The following ERBIN variants were observed in gnomAD, a reference collection of about 807,000 sequenced individuals.
The protein encoded by ERBIN is erbb2 interacting protein, also known as densin-180-like protein.
A neutral mutation model predicts 158.4 loss-of-function variants in ERBIN; 60 were observed. The ratio of observed to expected loss-of-function variants is 0.38; its 90% confidence interval spans 0.31 to 0.47. The LOEUF is 0.47. Ranked by LOEUF, ERBIN falls within the 20% of genes least tolerant of loss-of-function variation. ERBIN has a pLI of 0.99. For missense variants in ERBIN, 1,610 were observed against 1,648.0 expected (o/e 0.98, Z 0.40); for synonymous variants, 594 against 557.2 (o/e 1.07, Z -0.93).
At chr5:66,061,668 G>T (rs1321264202) in intron 21 of ERBIN, among the ~76,000 whole-genome samples, 4 of 152,302 alleles carry the variant, frequency 2.6e-5, no homozygotes, top group African/African-American at 9.6e-5. Flanking sequence ...GCATGTTTTT[G>T]CAGTGGCTGG....
intron 7 of ERBIN, among the ~76,000 whole-genome samples, chr5:66,018,487 T>TATATTA: frequency 0.012 from 78 of 6,588 alleles, 17 homozygotes; most frequent in African/African-American, 0.055. Context: ...ATATTATATA[T>TATATTA]TATATTATAT....
At chr5:65,997,408 T>C (rs534426599) in intron 4 of ERBIN, among the ~76,000 whole-genome samples, 1 of 152,334 alleles carries the variant, frequency 6.6e-6, no homozygotes, top group South Asian at 2.1e-4. Context: ...TATATATATG[T>C]TGAAATTATT....
At chr5:65,994,012 T>C (rs1259316561) in intron 3 of ERBIN, among the ~76,000 whole-genome samples, 3 of 152,202 alleles carry the variant, frequency 2.0e-5, no homozygotes, top group Non-Finnish European at 2.9e-5. Context: ...GATGACAGTA[T>C]GCAACAGGCT....
intron 1 of ERBIN, among the ~76,000 whole-genome samples, chr5:65,940,590 A>G (rs796845568): frequency 0.62 from 36,948 of 59,930 alleles, 12,185 homozygotes; most frequent in Non-Finnish European, 0.75. Flanking sequence ...GGCCGCCCCT[A>G]CTGGGAAGTG....
intron 1 of ERBIN, among the ~76,000 whole-genome samples, chr5:65,944,351 A>G (rs533261494): frequency 3.3e-5 from 5 of 151,782 alleles, no homozygotes; most frequent in Non-Finnish European, 7.4e-5. Flanking sequence ...GATAATAGCA[A>G]TCCTAATGGG....
chr5:66,008,871 GT>G (rs978841865), intron 4 of ERBIN, among the ~76,000 whole-genome samples: 1 of 152,132 alleles, frequency 6.6e-6, no homozygotes, highest in African/African-American at 2.4e-5. Flanking sequence ...TCCATTCCAT[GT>G]TTTCAAGGTC....
At chr5:65,952,912 C>T (rs970116603) in intron 1 of ERBIN, among the ~76,000 whole-genome samples, 3 of 152,106 alleles carry the variant, frequency 2.0e-5, no homozygotes, top group African/African-American at 4.8e-5. Context: ...ACATACCGTA[C>T]GTCTAATTTA....
intron 22 of ERBIN, 34 bp from the exon 23 acceptor site, chr5:66,074,990 T>C (rs747093670): frequency 7.0e-6 from 11 of 1,576,796 alleles, no homozygotes; most frequent in Non-Finnish European, 9.6e-6. Context: ...GACATTATTA[T>C]TGGTCATTTT....
At chr5:66,052,041 A>G (rs1310412769) in intron 20 of ERBIN, among the ~76,000 whole-genome samples, 1 of 151,910 alleles carries the variant, frequency 6.6e-6, no homozygotes, top group South Asian at 2.1e-4. Flanking sequence ...ATGTCTCTAC[A>G]AAAAAATTGG....
chr5:65,971,374 T>G (rs1040503644), intron 1 of ERBIN, among the ~76,000 whole-genome samples: 3 of 152,030 alleles, frequency 2.0e-5, no homozygotes, highest in African/African-American at 7.2e-5. Context: ...GGTAGAAAGA[T>G]AGAGACAGAG....
At chr5:65,940,672 C>T (rs1432374731) in intron 1 of ERBIN, among the ~76,000 whole-genome samples, 3 of 143,968 alleles carry the variant, frequency 2.1e-5, no homozygotes, top group Non-Finnish European at 3.0e-5. Flanking sequence ...CCCGGCCAGC[C>T]GCCCGGTCCG....
At chr5:66,055,179 A>G (rs915605767) in intron 21 of ERBIN, 33 of 1,069,054 alleles carry the variant, frequency 3.1e-5, no homozygotes, top group Admixed American at 3.8e-5. Flanking sequence ...AAAATGTATT[A>G]ATTTTATATG....
At chr5:65,965,620 T>C (rs1748514299) in intron 1 of ERBIN, among the ~76,000 whole-genome samples, 1 of 152,136 alleles carries the variant, frequency 6.6e-6, no homozygotes, top group Non-Finnish European at 1.5e-5. Context: ...CTTGAACTTC[T>C]GAGTTCAAGT....
intron 21 of ERBIN, among the ~76,000 whole-genome samples, chr5:66,064,878 T>A (rs1245904877): frequency 6.6e-5 from 10 of 152,210 alleles, no homozygotes; most frequent in South Asian, 2.1e-4. Flanking sequence ...ATTAATTTTT[T>A]AAATAGAGAC....
intron 1 of ERBIN, among the ~76,000 whole-genome samples, chr5:65,940,659 C>A (rs1363162602): frequency 6.9e-6 from 1 of 144,156 alleles, no homozygotes; most frequent in East Asian, 2.1e-4. Context: ...GGTCAGCCCC[C>A]CGCCCGGCCA....
intron 1 of ERBIN, among the ~76,000 whole-genome samples, chr5:65,939,705 C>G (rs1421423397): frequency 1.3e-5 from 2 of 152,246 alleles, no homozygotes; most frequent in Non-Finnish European, 1.5e-5. Context: ...CGCCACCACG[C>G]CTGACTGGTT....
intron 1 of ERBIN, among the ~76,000 whole-genome samples, chr5:65,946,779 G>T (rs1745808565): frequency 1.3e-5 from 2 of 149,126 alleles, no homozygotes; most frequent in African/African-American, 5.0e-5. Flanking sequence ...GCCAGCAATT[G>T]GTTGTTACTT....
chr5:65,966,942 A>T (rs776626438), intron 1 of ERBIN, among the ~76,000 whole-genome samples: 3 of 152,012 alleles, frequency 2.0e-5, no homozygotes, highest in African/African-American at 4.8e-5. Flanking sequence ...TTAAAAAAAA[A>T]TTTCTTTTAA....
At chr5:65,958,639 G>A (rs6864633) in intron 1 of ERBIN, among the ~76,000 whole-genome samples, 5,734 of 149,978 alleles carry the variant, frequency 0.038, 403 homozygotes, top group African/African-American at 0.14. Context: ...GGGGAGAGGG[G>A]GAGAGAGAGG....
Sources: gnomAD v4.1 joint callset for allele counts (sites outside exome capture counted in the v4.1 genomes callset) on GRCh38, gnomAD v4.1.1 for gene constraint, MANE v1.5 for transcripts, NCBI Gene and HGNC (gene_info 2026-07-23, HGNC 2026-07-21) for gene names.